FOXN3: variants seen among roughly 807,000 people sequenced by gnomAD.
The protein encoded by FOXN3 is forkhead box protein N3.
Under a neutral mutation model 38.4 loss-of-function variants are expected in FOXN3, and 7 were observed. That is an observed-to-expected ratio of 0.18 (90% CI 0.10 to 0.34). FOXN3 has a LOEUF of 0.34. Ranked by LOEUF, FOXN3 falls within the 10% of genes least tolerant of loss-of-function variation. The pLI is 1.00. For synonymous variants in FOXN3, 230 were observed against 242.2 expected (o/e 0.95, Z 0.47); for missense variants, 456 against 613.4 (o/e 0.74, Z 2.71).
intron 3 of FOXN3, among the ~76,000 whole-genome samples, chr14:89,301,729 C>A (rs1490189497): frequency 6.6e-6 from 1 of 152,100 alleles, no homozygotes; most frequent in Non-Finnish European, 1.5e-5. Context: ...GATCATGCCA[C>A]TGCACTCCAG....
chr14:89,163,995 G>A lies in FOXN3; in HGVS notation c.852-1026C>T, dbSNP rs376305105. On this transcript the variant is annotated intron_variant, in intron 5 of 5. Coordinates refer to ENST00000557258, the MANE Select transcript of FOXN3 (RefSeq NM_005197.4). The surrounding 1 kb of genome is among the most constrained non-coding windows in gnomAD (Gnocchi z 4.3). ...TTTCTTTGTGTCTTTACATCTGAGCGATGTACTTTCCTTGTGCTTCCTTAT... is the reference window on the plus strand; with the variant it reads ...TTTCTTTGTGTCTTTACATCTGAGCAATGTACTTTCCTTGTGCTTCCTTAT... Among the ~76,000 whole-genome samples the A allele has an allele frequency of 1.3e-5, 2 of 152,216 alleles. No individual in the cohort carries two copies. Among genetic ancestry groups the A allele is most frequent in the African/African-American group, 4.8e-5 (2 of 41,456 alleles).
chr14:89,516,843 G>A (rs1894215719), intron 1 of FOXN3, among the ~76,000 whole-genome samples: 1 of 152,178 alleles, frequency 6.6e-6, no homozygotes. Flanking sequence ...GATGACAGGT[G>A]TGAGCCATTG....
At chr14:89,385,360 CA>C (rs1890762928) in intron 2 of FOXN3, among the ~76,000 whole-genome samples, 1 of 152,096 alleles carries the variant, frequency 6.6e-6, no homozygotes, top group Non-Finnish European at 1.5e-5. Flanking sequence ...TAAGATGCCA[CA>C]TGGCCCATCT....
At chr14:89,576,021 G>C (rs1340723347) in intron 1 of FOXN3, among the ~76,000 whole-genome samples, 1 of 152,136 alleles carries the variant, frequency 6.6e-6, no homozygotes, top group Non-Finnish European at 1.5e-5. Flanking sequence ...AAATTCCATC[G>C]CTGACATCGT....
upstream of FOXN3, among the ~76,000 whole-genome samples, chr14:89,420,524 G>C (rs569745878): frequency 6.6e-6 from 1 of 152,316 alleles, no homozygotes; most frequent in Non-Finnish European, 1.5e-5. Flanking sequence ...TTCTAGGATG[G>C]TGCCTGGATA....
chr14:89,255,827 A>C (rs1229182285), intron 4 of FOXN3, among the ~76,000 whole-genome samples: 1 of 152,190 alleles, frequency 6.6e-6, no homozygotes, highest in African/African-American at 2.4e-5. Flanking sequence ...ACTGTCCTCA[A>C]GAAAAAAGGT....
Position 89,159,782 on chromosome 14 carries a change from C to A in FOXN3, c.*2632G>T, listed in dbSNP as rs180734741. ...TCAAGGTGTCGCTCAGGTTCCATAG[C>A]TGTGGATGGCTTTTAGGGTGTCAGA... On this transcript the variant is annotated 3_prime_UTR_variant, in exon 6 of 6. Transcript: ENST00000557258. 1 of 152,400 alleles carries A rather than the reference C, an allele frequency of 6.6e-6. No homozygotes were observed. Among genetic ancestry groups the A allele is most frequent in the Admixed American group, 6.5e-5 (1 of 15,300 alleles). 9.4% of individuals were successfully genotyped at this position (152,400 alleles called of 1,614,324 possible). A position where few individuals can be genotyped will look rare whatever the true frequency, so the allele number is the denominator to read the frequency against.
intron 1 of FOXN3, among the ~76,000 whole-genome samples, chr14:89,501,196 A>G (rs147284402): frequency 1.3e-5 from 2 of 152,368 alleles, no homozygotes; most frequent in South Asian, 2.1e-4. Flanking sequence ...AAGAAAAAAT[A>G]AAGTTTTTAA....
At chr14:89,218,463 A>T (rs1884354983) in intron 4 of FOXN3, among the ~76,000 whole-genome samples, 1 of 152,220 alleles carries the variant, frequency 6.6e-6, no homozygotes, top group African/African-American at 2.4e-5. Context: ...TTCTATGAAG[A>T]TGAGCATCTG....
chr14:89,317,059 C>T (rs1887741001), intron 3 of FOXN3, among the ~76,000 whole-genome samples: 1 of 152,182 alleles, frequency 6.6e-6, no homozygotes, highest in African/African-American at 2.4e-5. Context: ...ACCTGCACCA[C>T]AAAGCAGGAT....
Position 89,217,545 on chromosome 14 carries a change from G to A in FOXN3, c.746-36739C>T, listed in dbSNP as rs77383408. Among the ~76,000 whole-genome samples, 548 of 152,246 alleles carry A rather than the reference G, an allele frequency of 3.6e-3. 3 individuals are homozygous for A. Among genetic ancestry groups the A allele is most frequent in the African/African-American group, 0.013 (524 of 41,524 alleles). ...GCCAAACACATCTGGGTTCTAATTC[G>A]CCATTTCATTCACTTGCTGTGTGCT... On this transcript the variant is annotated intron_variant, in intron 4 of 5. Transcript: ENST00000557258.
chr14:89,405,482 G>A (rs61984696), intron 2 of FOXN3, among the ~76,000 whole-genome samples: 21,474 of 152,046 alleles, frequency 0.14, 1,610 homozygotes, highest in Non-Finnish European at 0.18. Flanking sequence ...CTCATCTACC[G>A]AGAGCAAACG....
intron 4 of FOXN3, among the ~76,000 whole-genome samples, chr14:89,265,391 A>C (rs962536464): frequency 6.6e-6 from 1 of 152,176 alleles, no homozygotes; most frequent in African/African-American, 2.4e-5. Flanking sequence ...CTGGGGCTAC[A>C]AACAGCAGCT....
rs74915841 is a variant in FOXN3 at position 89,183,766 on chromosome 14, G to A, written c.746-2960C>T. Reference sequence around the variant, plus strand: ...AGATGTGTTTGGACTTTATCCTATGGGTAGTGGGAAAACCATTAAAGGGTT... The same window carrying A: ...AGATGTGTTTGGACTTTATCCTATGAGTAGTGGGAAAACCATTAAAGGGTT... On this transcript the variant is annotated intron_variant, in intron 4 of 5. Transcript: ENST00000557258. Among the ~76,000 whole-genome samples the A allele has an allele frequency of 4.3e-3, 650 of 152,274 alleles. 1 individual carries two copies. Among genetic ancestry groups the A allele is most frequent in the East Asian group, 0.01 (53 of 5,186 alleles).
intron 4 of FOXN3, among the ~76,000 whole-genome samples, chr14:89,249,545 T>G (rs531825954): frequency 1.3e-5 from 2 of 152,254 alleles, no homozygotes; most frequent in African/African-American, 4.8e-5. Flanking sequence ...AACAATAACT[T>G]CCAAATTTTT....
At chr14:89,617,482 G>T (rs777072168) in intron 1 of FOXN3, among the ~76,000 whole-genome samples, 2 of 152,148 alleles carry the variant, frequency 1.3e-5, no homozygotes, top group Non-Finnish European at 2.9e-5. Flanking sequence ...TGCATGAAAC[G>T]TGCTAATGCA....
chr14:89,169,051 T>C (rs1324603897), intron 5 of FOXN3, among the ~76,000 whole-genome samples: 1 of 152,108 alleles, frequency 6.6e-6, no homozygotes, highest in Non-Finnish European at 1.5e-5. Context: ...TAACTACAAA[T>C]AAACCCTTAC....
intron 1 of FOXN3, among the ~76,000 whole-genome samples, chr14:89,535,450 T>C (rs1894666019): frequency 1.3e-5 from 2 of 152,222 alleles, no homozygotes; most frequent in East Asian, 1.9e-4. Context: ...TTGAGCTTCC[T>C]GAATCTTCAA....
At position 89,500,765 on chromosome 14, in the gene FOXN3, C is replaced by G. The variant is rs116092354; in HGVS notation, c.-14-88275G>C. ...AGAGGTGGCTTTGTTCCTGGAGCAG[C>G]CATCCCGCAGTTTGTCGTGCAGGCA... On this transcript the variant is annotated intron_variant, in intron 1 of 6. Transcript: ENST00000345097. 9.5e-3 allele frequency among the ~76,000 whole-genome samples: 1,449 copies of G among 152,340 alleles called. 21 individuals carry two copies. Among genetic ancestry groups the G allele is most frequent in the African/African-American group, 0.032 (1,339 of 41,578 alleles).
Sources: allele counts gnomAD v4.1 joint callset (sites outside exome capture counted in the v4.1 genomes callset), GRCh38; gene constraint gnomAD v4.1.1; non-coding constraint Gnocchi (gnomAD v3.1); transcripts MANE v1.5; gene names NCBI Gene and HGNC (gene_info 2026-07-23, HGNC 2026-07-21).